IL1RAPL1: variants seen among roughly 807,000 people sequenced by gnomAD.
IL1RAPL1 encodes interleukin-1 receptor accessory protein-like 1.
Under a neutral mutation model 48.4 loss-of-function variants are expected in IL1RAPL1, and 3 were observed. That is an observed-to-expected ratio of 0.06 (90% CI 0.03 to 0.16). The LOEUF is 0.16. IL1RAPL1 is among the 10% of genes least tolerant of loss of function. IL1RAPL1 has a pLI of 1.00. For synonymous variants in IL1RAPL1, 185 were observed against 187.7 expected (o/e 0.99, Z 0.12); for missense variants, 349 against 530.6 (o/e 0.66, Z 3.36).
intron 6 of IL1RAPL1, among the ~76,000 whole-genome samples, chrX:29,790,415 T>C (rs1929603264): frequency 8.9e-6 from 1 of 112,123 alleles, no homozygotes; most frequent in Non-Finnish European, 1.9e-5. Flanking sequence ...CTTGAATCTT[T>C]ATAGTTTAAT....
chrX:29,282,079 C>T (rs182081798), intron 2 of IL1RAPL1, among the ~76,000 whole-genome samples: 119 of 111,172 alleles, frequency 1.1e-3, no homozygotes, highest in African/African-American at 3.7e-3. Flanking sequence ...CTCATCTAAC[C>T]CTAATTACCT....
intron 2 of IL1RAPL1, among the ~76,000 whole-genome samples, chrX:28,907,241 T>A (rs1410150218): frequency 9.0e-6 from 1 of 111,366 alleles, no homozygotes; most frequent in African/African-American, 3.3e-5. Flanking sequence ...TTAATTGATG[T>A]TTTATTATTT....
chrX:28,822,299 C>T (rs1334566624), intron 2 of IL1RAPL1, among the ~76,000 whole-genome samples: 1 of 111,389 alleles, frequency 9.0e-6, no homozygotes, highest in Non-Finnish European at 1.9e-5. Flanking sequence ...TGGCCCACAG[C>T]GTGTTTTTGT....
chrX:29,240,224 A>ATTTTTT (rs55639151), intron 2 of IL1RAPL1, among the ~76,000 whole-genome samples: 14 of 13,348 alleles, frequency 1.0e-3, no homozygotes, highest in Admixed American at 4.6e-3. Flanking sequence ...ATATATATAT[A>ATTTTTT]TTTTTTTTTT....
At chrX:28,676,409 T>A (rs933293733) in intron 1 of IL1RAPL1, among the ~76,000 whole-genome samples, 1 of 111,598 alleles carries the variant, frequency 9.0e-6, no homozygotes, top group African/African-American at 3.3e-5. Flanking sequence ...CTATGCAATA[T>A]TTTTTTATTT....
At chrX:29,344,269 A>T (rs1312988212) in intron 3 of IL1RAPL1, among the ~76,000 whole-genome samples, 2 of 112,075 alleles carry the variant, frequency 1.8e-5, no homozygotes, top group East Asian at 5.6e-4. Flanking sequence ...ATAGAAAGCC[A>T]TGTTGCTTTG....
chrX:28,969,948 CAT>C (rs748515693), intron 2 of IL1RAPL1, among the ~76,000 whole-genome samples: 20 of 110,213 alleles, frequency 1.8e-4, no homozygotes, highest in African/African-American at 5.9e-4. Flanking sequence ...TTTCTAAACA[CAT>C]ATATATGTTT....
At chrX:28,986,327 A>G (rs763822644) in intron 2 of IL1RAPL1, among the ~76,000 whole-genome samples, 1 of 112,524 alleles carries the variant, frequency 8.9e-6, no homozygotes, top group East Asian at 2.8e-4. Flanking sequence ...AAAAATTCGT[A>G]ACTGCATTAT....
chrX:29,440,217 A>T (rs1435905340), intron 5 of IL1RAPL1, among the ~76,000 whole-genome samples: 1 of 110,802 alleles, frequency 9.0e-6, no homozygotes, highest in Non-Finnish European at 1.9e-5. Flanking sequence ...TTAAAAAATA[A>T]GAGAAAAAAA....
intron 5 of IL1RAPL1, among the ~76,000 whole-genome samples, chrX:29,475,650 A>T (rs1000124381): frequency 2.9e-4 from 33 of 111,957 alleles, no homozygotes; most frequent in African/African-American, 1.1e-3. Flanking sequence ...TAAAATATTG[A>T]CATTGTTTCA....
intron 6 of IL1RAPL1, among the ~76,000 whole-genome samples, chrX:29,915,611 C>T (rs1044510474): frequency 2.7e-5 from 3 of 109,487 alleles, no homozygotes; most frequent in Non-Finnish European, 3.8e-5. Flanking sequence ...TCAAGAAATA[C>T]GTACTATCAA....
chrX:29,293,337 G>A (rs1932398898), intron 3 of IL1RAPL1, among the ~76,000 whole-genome samples: 2 of 108,435 alleles, frequency 1.8e-5, no homozygotes, highest in Admixed American at 9.9e-5. Context: ...GTGATCATGG[G>A]GTAGTTTCTT....
chrX:28,710,862 A>G (rs1483354036), intron 1 of IL1RAPL1, among the ~76,000 whole-genome samples: 2 of 112,390 alleles, frequency 1.8e-5, no homozygotes, highest in Non-Finnish European at 3.8e-5. Flanking sequence ...TGGACTAGCT[A>G]CATTTCAAAT....
chrX:28,921,569 C>T (rs917661700), intron 2 of IL1RAPL1, among the ~76,000 whole-genome samples: 2 of 111,317 alleles, frequency 1.8e-5, no homozygotes, highest in Non-Finnish European at 3.8e-5. Context: ...CTGTGGGCAG[C>T]TAGCTGAAAG....
chrX:29,587,677 A>G (rs991295308), intron 5 of IL1RAPL1, among the ~76,000 whole-genome samples: 1 of 111,980 alleles, frequency 8.9e-6, no homozygotes, highest in African/African-American at 3.2e-5. Flanking sequence ...ATAAATAACT[A>G]TTTATAGAAA....
At chrX:29,646,961 A>G (rs901392827) in intron 5 of IL1RAPL1, among the ~76,000 whole-genome samples, 7 of 112,216 alleles carry the variant, frequency 6.2e-5, no homozygotes, top group African/African-American at 1.9e-4. Flanking sequence ...TGCCAAAGGA[A>G]CTTCTTCAAG....
chrX:29,176,355 A>T (rs977224207), intron 2 of IL1RAPL1, among the ~76,000 whole-genome samples: 3 of 105,009 alleles, frequency 2.9e-5, no homozygotes, highest in Admixed American at 2.1e-4. Context: ...CCATCCACCC[A>T]TGTAGGCCTC....
At chrX:29,560,511 G>A (rs1055213538) in intron 5 of IL1RAPL1, among the ~76,000 whole-genome samples, 7 of 111,102 alleles carry the variant, frequency 6.3e-5, no homozygotes, top group South Asian at 3.8e-4. Context: ...TGAATGTATC[G>A]GTTCTCTTCA....
chrX:28,976,399 A>G (rs927578858), intron 2 of IL1RAPL1, among the ~76,000 whole-genome samples: 2 of 111,787 alleles, frequency 1.8e-5, no homozygotes, highest in Non-Finnish European at 3.8e-5. Context: ...CTAAGAGAGC[A>G]TATATATGTG....
Sources: allele counts gnomAD v4.1 joint callset (sites outside exome capture counted in the v4.1 genomes callset), GRCh38; gene constraint gnomAD v4.1.1; transcripts MANE v1.5; gene names NCBI Gene and HGNC (gene_info 2026-07-23, HGNC 2026-07-21).